DLGAP2: variants seen among roughly 807,000 people sequenced by gnomAD.
The protein encoded by DLGAP2 is disks large-associated protein 2.
In DLGAP2, 26 loss-of-function variants were observed where a neutral mutation model predicts 100.3. That is an observed-to-expected ratio of 0.26 (90% CI 0.19 to 0.36). The LOEUF is 0.36. DLGAP2 is among the 10% of genes least tolerant of loss of function. The probability of loss-of-function intolerance (pLI) is 1.00; values close to 1 mark genes in which losing one functional copy is unlikely to be tolerated. For missense variants in DLGAP2, 1,858 were observed against 1,453.2 expected (o/e 1.28, Z -4.53); for synonymous variants, 886 against 630.1 (o/e 1.41, Z -6.08).
chr8:1,105,249 G>T (rs768782627), intron 2 of DLGAP2, among the ~76,000 whole-genome samples: 1 of 152,170 alleles, frequency 6.6e-6, no homozygotes, highest in Non-Finnish European at 1.5e-5. Context: ...AATTACAACC[G>T]TGGTGCCTGA....
chr8:1,062,738 G>C (rs1383864476), intron 2 of DLGAP2, among the ~76,000 whole-genome samples: 1 of 152,128 alleles, frequency 6.6e-6, no homozygotes, highest in Non-Finnish European at 1.5e-5. Flanking sequence ...GGGGTAGTTG[G>C]GGGGAGACTA....
intron 3 of DLGAP2, among the ~76,000 whole-genome samples, chr8:1,273,550 C>A (rs1235080217): frequency 6.6e-6 from 1 of 152,228 alleles, no homozygotes; most frequent in Non-Finnish European, 1.5e-5. Flanking sequence ...CAGGAACGTC[C>A]TGCTCTGCTG....
At chr8:949,987 A>G (rs1563110080) in intron 2 of DLGAP2, among the ~76,000 whole-genome samples, 1 of 152,216 alleles carries the variant, frequency 6.6e-6, no homozygotes, top group South Asian at 2.1e-4. Flanking sequence ...AGCGAGGCAC[A>G]CACACAAAGA....
intron 2 of DLGAP2, among the ~76,000 whole-genome samples, chr8:1,136,512 G>A (rs185935736): frequency 5.3e-5 from 8 of 152,276 alleles, no homozygotes; most frequent in Admixed American, 1.3e-4. Context: ...AGCTTCCTTC[G>A]TGAGGGCCAC....
intron 3 of DLGAP2, among the ~76,000 whole-genome samples, chr8:1,469,257 G>A (rs1798713948): frequency 2.0e-5 from 3 of 152,234 alleles, no homozygotes; most frequent in Non-Finnish European, 4.4e-5. Flanking sequence ...AGCAGTGGCC[G>A]TGACAGCAGC....
intron 3 of DLGAP2, among the ~76,000 whole-genome samples, chr8:1,441,920 T>C (rs946075900): frequency 7.2e-5 from 11 of 152,082 alleles, no homozygotes; most frequent in Non-Finnish European, 1.3e-4. Flanking sequence ...TATGGAATAC[T>C]ATGCGGCCAT....
At chr8:1,587,550 C>G (rs903683609) in intron 6 of DLGAP2, among the ~76,000 whole-genome samples, 2 of 152,296 alleles carry the variant, frequency 1.3e-5, no homozygotes, top group Admixed American at 6.5e-5. Context: ...TATATCTTAG[C>G]TACATCACAC....
chr8:946,797 A>T (rs1216518321), intron 2 of DLGAP2, among the ~76,000 whole-genome samples: 1 of 152,186 alleles, frequency 6.6e-6, no homozygotes, highest in Non-Finnish European at 1.5e-5. Context: ...TTCTCATTAC[A>T]AAAGAACTGC....
chr8:1,452,333 A>G (rs566081078), intron 3 of DLGAP2, among the ~76,000 whole-genome samples: 1 of 152,324 alleles, frequency 6.6e-6, no homozygotes, highest in South Asian at 2.1e-4. Context: ...ACAGGTGTGC[A>G]CAGGACAGAG....
At position 1,023,857 on chromosome 8, in the gene DLGAP2, A is replaced by ATGTGTGTGTGTGTGTGTGTGTGTG. The variant is rs149206104; in HGVS notation, c.73+115911_73+115934dup. ...GTCTGCAAGTGCTCAAACTTTATAT[A>ATGTGTGTGTGTGTGTGTGTGTGTG]TGTGTGTGTGTGTGTGTGTGTGTGT... On this transcript the variant is annotated intron_variant, in intron 2 of 14. Coordinates refer to ENST00000637795, the MANE Select transcript of DLGAP2 (RefSeq NM_001346810.2). Among the ~76,000 whole-genome samples, 451 of 128,924 alleles carry ATGTGTGTGTGTGTGTGTGTGTGTG rather than the reference A, an allele frequency of 3.5e-3. 18 individuals are homozygous for ATGTGTGTGTGTGTGTGTGTGTGTG. The highest frequency in any genetic ancestry group is 0.021 in the East Asian group (83 of 3,992). The allele number at this position is 128,924 out of a possible 152,430, so 84.6% of individuals were successfully genotyped here.
chr8:1,482,244 C>A (rs1411077513), intron 3 of DLGAP2, among the ~76,000 whole-genome samples: 1 of 152,202 alleles, frequency 6.6e-6, no homozygotes, highest in Non-Finnish European at 1.5e-5. Flanking sequence ...GTCACTGTTT[C>A]TCTTTTAAAA....
At chr8:1,163,879 C>T (rs1008599265) in intron 2 of DLGAP2, among the ~76,000 whole-genome samples, 1 of 152,200 alleles carries the variant, frequency 6.6e-6, no homozygotes, top group Non-Finnish European at 1.5e-5. Context: ...CACGTCCTTG[C>T]TGTTGGGCTC....
At chr8:1,578,073 C>T (rs1803067197) in intron 6 of DLGAP2, among the ~76,000 whole-genome samples, 1 of 152,220 alleles carries the variant, frequency 6.6e-6, no homozygotes, top group African/African-American at 2.4e-5. Flanking sequence ...GTATTTTAAA[C>T]AGAATTGAAA....
At chr8:1,286,394 T>C (rs534097868) in intron 3 of DLGAP2, among the ~76,000 whole-genome samples, 59 of 152,336 alleles carry the variant, frequency 3.9e-4, no homozygotes, top group African/African-American at 1.4e-3. Flanking sequence ...ACAATGTATA[T>C]AGAAATCGAA....
intron 2 of DLGAP2, among the ~76,000 whole-genome samples, chr8:931,928 G>C (rs1354754023): frequency 6.6e-6 from 1 of 152,206 alleles, no homozygotes; most frequent in East Asian, 1.9e-4. Context: ...TAACCGAGGG[G>C]ATGTTTGGTC....
intron 3 of DLGAP2, among the ~76,000 whole-genome samples, chr8:1,438,703 T>C (rs982429799): frequency 6.6e-6 from 1 of 152,192 alleles, no homozygotes; most frequent in Non-Finnish European, 1.5e-5. Context: ...CAATACACAC[T>C]TCATCAGAAA....
rs1796959817 is a variant in DLGAP2 at position 1,164,217 on chromosome 8, A to ATTTTTCTGTGAGCCCCCCAGGGCCTGTCG, written c.74-94630_74-94629insTCTGTGAGCCCCCCAGGGCCTGTCGTTTT. Among the ~76,000 whole-genome samples, 2 of 30,730 alleles carry ATTTTTCTGTGAGCCCCCCAGGGCCTGTCG rather than the reference A, an allele frequency of 6.5e-5. 1 individual carries two copies. The highest frequency in any genetic ancestry group is 3.1e-4 in the African/African-American group (2 of 6,368). The allele number at this position is 30,730 out of a possible 152,430, so 20.2% of individuals were successfully genotyped here. A position where few individuals can be genotyped will look rare whatever the true frequency, so the allele number is the denominator to read the frequency against. ...TTTCTGTGAGCCCCCAGGGCCCGTC[A>ATTTTTCTGTGAGCCCCCCAGGGCCTGTCG]TTTTGGTTTGTGGGGACAGATTTTT... is the stretch of plus-strand genomic sequence containing the variant. On this transcript the variant is annotated intron_variant, in intron 2 of 14. Transcript: ENST00000637795.
intron 3 of DLGAP2, among the ~76,000 whole-genome samples, chr8:1,448,976 T>C (rs1798061736): frequency 6.6e-6 from 1 of 152,092 alleles, no homozygotes; most frequent in African/African-American, 2.4e-5. Flanking sequence ...TCACGCAAAG[T>C]CTGGTTTAAA....
chr8:1,445,854 A>T (rs1178244971), intron 3 of DLGAP2, among the ~76,000 whole-genome samples: 29 of 152,072 alleles, frequency 1.9e-4, no homozygotes, highest in South Asian at 4.1e-4. Context: ...TGATGAGCAT[A>T]TTTTCATGTG....
Sources: gnomAD v4.1 joint callset for allele counts (sites outside exome capture counted in the v4.1 genomes callset) on GRCh38, gnomAD v4.1.1 for gene constraint, MANE v1.5 for transcripts, NCBI Gene and HGNC (gene_info 2026-07-23, HGNC 2026-07-21) for gene names.